Variants in USP11 observed in about 807,000 individuals in gnomAD.
USP11 encodes the protein ubiquitin carboxyl-terminal hydrolase 11.
In USP11, 5 loss-of-function variants were observed where a neutral mutation model predicts 72.8. The ratio of observed to expected loss-of-function variants is 0.07; its 90% CI spans 0.04 to 0.14. The LOEUF is 0.14. Among genes scored for constraint, USP11 ranks in the 10% least tolerant of loss-of-function variants. USP11 has a pLI of 1.00. For synonymous variants in USP11, 368 were observed against 326.5 expected (o/e 1.13, Z -1.37); for missense variants, 480 against 794.7 (o/e 0.60, Z 4.76).
intron 4 of USP11, 131 bp from the exon 5 acceptor site, chrX:47,240,174 T>A: frequency 1.1e-6 from 1 of 940,128 alleles, no homozygotes; most frequent in Non-Finnish European, 1.5e-6. Context: ...GGCCAGTCAT[T>A]TGGAGACTGA....
intron 9 of USP11, 85 bp downstream of exon 9, chrX:47,241,784 C>CAA: frequency 3.8e-6 from 4 of 1,043,034 alleles, no homozygotes; most frequent in Non-Finnish European, 5.1e-6. Flanking sequence ...GGGTATCTAA[C>CAA]ACGCCACCAT....
At chrX:47,235,869 A>G (rs1056523616) in intron 1 of USP11, among the ~76,000 whole-genome samples, 1 of 111,488 alleles carries the variant, frequency 9.0e-6, no homozygotes, top group African/African-American at 3.3e-5. Context: ...AGAATAAACA[A>G]AATAACCACA....
chrX:47,244,532 G>A lies in USP11; in HGVS notation c.1825G>A (p.Asp609Asn). Reference protein sequence around the residue: ...YVTKPNSDDEDDGDEKEDDEE... With the variant: ...YVTKPNSDDENDGDEKEDDEE... Reference sequence around the variant, plus strand: ...GACCAAACCCAACTCAGATGATGAGGACGATGGGGATGAGAAAGGTGAGGG... The same window carrying A: ...GACCAAACCCAACTCAGATGATGAGAACGATGGGGATGAGAAAGGTGAGGG... The change falls in exon 14 of 21, where the codon GAC becomes AAC. Residue 609 changes from aspartate to asparagine, a missense_variant. Asp to Asn is a conservative substitution (Grantham distance 23, BLOSUM62 1). Transcript: ENST00000377107. 1 of 1,211,216 alleles carries A rather than the reference G, an allele frequency of 8.3e-7. No individual in the cohort carries two copies. The highest frequency in any genetic ancestry group is 1.1e-6 in the Non-Finnish European group (1 of 895,383).
At chrX:47,245,734 A>G (rs2055429304) in intron 17 of USP11, among the ~76,000 whole-genome samples, 1 of 110,436 alleles carries the variant, frequency 9.1e-6, no homozygotes, top group Non-Finnish European at 1.9e-5. Flanking sequence ...TAGTAGAAAC[A>G]GGTTTTGCCA....
At position 47,242,699 on chromosome X, in the gene USP11, T is replaced by C; in HGVS notation, c.1562T>C (p.Leu521Ser). The C allele has an allele frequency of 8.3e-7, 1 of 1,207,999 alleles. No individual in the cohort carries two copies. The highest frequency in any genetic ancestry group is 1.1e-6 in the Non-Finnish European group (1 of 891,977). Residue 521 changes from leucine to serine, a missense_variant, in exon 12 of 21, where the codon TTG becomes TCG. By Grantham distance (145) the Leu-to-Ser change is moderately radical. Around this residue, in one of 5 missense-constraint regions of USP11, gnomAD observed 314 missense variants for 556.0 expected, o/e 0.56. Coordinates refer to ENST00000377107, the MANE Select transcript of USP11 (RefSeq NM_001371072.1). ...CTAGAGGAGCCTCTGAGCAGCATCTTGGACCGTGATGATATCTTCGTGTGA... is the reference window on the plus strand; with the variant it reads ...CTAGAGGAGCCTCTGAGCAGCATCTCGGACCGTGATGATATCTTCGTGTGA... Reference protein sequence around the residue: ...YQLEEPLSSILDRDDIFVYEV... With the variant: ...YQLEEPLSSISDRDDIFVYEV...
In USP11 at chrX:47,243,620, C is replaced by T. The variant is rs748822697; in HGVS notation, c.1790+18C>T. On this transcript the variant is annotated intron_variant, in intron 13 of 20. Transcript: ENST00000377107. ...CGGCTCTCGTAAGTGTCCTCTTCCC[C>T]GGGGGTGGGGGGCGGAGGGGTCTGA... 1.6e-4 allele frequency: 197 copies of T among 1,204,194 alleles called. No individual in the cohort carries two copies. Among genetic ancestry groups the T allele is most frequent in the Middle Eastern group, 4.6e-4 (2 of 4,359 alleles).
intron 1 of USP11, 144 bp downstream of exon 1, chrX:47,233,363 G>A (rs1236255576): frequency 9.3e-7 from 1 of 1,072,074 alleles, no homozygotes; most frequent in Non-Finnish European, 1.2e-6. Flanking sequence ...CGGGCTAAAG[G>A]GGCGGGGAAG....
At chrX:47,235,452 C>T (rs2055367538) in intron 1 of USP11, among the ~76,000 whole-genome samples, 1 of 111,368 alleles carries the variant, frequency 9.0e-6, no homozygotes, top group African/African-American at 3.3e-5. Context: ...ATTTTTAAAA[C>T]ATGTATCATG....
Position 47,233,043 on chromosome X carries a change from G to C in USP11, c.-1G>C, listed in dbSNP as rs761237717. 2.6e-5 allele frequency: 31 copies of C among 1,209,586 alleles called. No homozygotes were observed. The highest frequency in any genetic ancestry group is 8.9e-5 in the East Asian group (3 of 33,789). ...TTGGCTGTAGAAGAGAACGGACGGC[G>C]ATGGCGACGGTCGCAGCAAATCCAG... On this transcript the variant is annotated 5_prime_UTR_variant, in exon 1 of 21. Coordinates refer to ENST00000377107, the MANE Select transcript of USP11 (RefSeq NM_001371072.1).
At chrX:47,246,935 C>T (rs113646989) in intron 17 of USP11, 137 bp from the exon 18 acceptor site, 137 of 793,623 alleles carry the variant, frequency 1.7e-4, no homozygotes, top group Admixed American at 1.3e-3. Context: ...GCAGGAGAAT[C>T]GCTTGAACCC....
At chrX:47,247,565 T>G in intron 19 of USP11, 46 bp from the exon 20 acceptor site, 1 of 1,196,486 alleles carries the variant, frequency 8.4e-7, no homozygotes, top group Non-Finnish European at 1.1e-6. Flanking sequence ...TGGACACTTC[T>G]GAGAGGCAGG....
At chrX:47,236,943 TAAC>T (rs2055374973) in intron 1 of USP11, among the ~76,000 whole-genome samples, 1 of 111,907 alleles carries the variant, frequency 8.9e-6, no homozygotes, top group South Asian at 3.7e-4. Flanking sequence ...TCAGAGATGT[TAAC>T]AATGATTTTT....
Position 47,245,535 on chromosome X carries a change from T to G in USP11, c.2270+53T>G, listed in dbSNP as rs1193953104. The G allele has an allele frequency of 1.6e-5, 12 of 763,568 alleles. No homozygotes were observed. The Admixed American group carries it at 4.1e-4, about 26-fold the overall frequency. The allele number at this position is 763,568 out of a possible 1,213,427, so 62.9% of individuals were successfully genotyped here. A position where few individuals can be genotyped will look rare whatever the true frequency, so the allele number is the denominator to read the frequency against. On this transcript the variant is annotated intron_variant, in intron 17 of 20. Transcript: ENST00000377107. Reference sequence around the variant, plus strand: ...TGGGGGTTTCATTGGATGGAACTACTATATTTAGCTTTTTTTTTTTTTTTT... The same window carrying G: ...TGGGGGTTTCATTGGATGGAACTACGATATTTAGCTTTTTTTTTTTTTTTT...
Position 47,247,693 on chromosome X carries a change from G to A in USP11, c.2619G>A (p.Gln873=). ...GCGTCTCCCCTGTCAATGAGAATCA[G>A]ATCGAGGTGTGACTTCCATCCTACC... The part of the protein sequence containing the change: ...DNSVSPVNEN[Q]IESKAAYVLF... The change falls in exon 20 of 21, where the codon CAG becomes CAA. Residue 873 remains glutamine (Q), a synonymous_variant. Coordinates refer to ENST00000377107, the MANE Select transcript of USP11 (RefSeq NM_001371072.1). 1 of 1,211,179 alleles carries A rather than the reference G, an allele frequency of 8.3e-7. No homozygotes were observed. Among genetic ancestry groups the A allele is most frequent in the Non-Finnish European group, 1.1e-6 (1 of 895,296 alleles).
intron 1 of USP11, among the ~76,000 whole-genome samples, chrX:47,237,621 A>AT (rs2147349562): frequency 9.0e-6 from 1 of 110,805 alleles, no homozygotes; most frequent in Admixed American, 9.6e-5. Flanking sequence ...TCAAAAAATG[A>AT]TAATAATAAT....
chrX:47,245,332 A>C (rs1414150329), intron 16 of USP11, 38 bp from the exon 17 acceptor site: 1 of 1,148,665 alleles, frequency 8.7e-7, no homozygotes, highest in African/African-American at 1.8e-5. Context: ...ATCTGTCCTC[A>C]CAGCCGGCCA....
rs763967234 is a variant in USP11, at chrX:47,247,604, C to G, written c.2537-7C>G. The G allele has an allele frequency of 1.2e-5, 15 of 1,208,554 alleles. No individual in the cohort carries two copies. The highest frequency in any genetic ancestry group is 8.8e-5 in the Admixed American group (4 of 45,619). On this transcript the variant is annotated splice_region_variant and splice_polypyrimidine_tract_variant and intron_variant, in intron 19 of 20. Coordinates refer to ENST00000377107, the MANE Select transcript of USP11 (RefSeq NM_001371072.1). ...GGTAGGCGAGGATAACTCTCCTTCCCTTTCAGACACAACATTTGCCTGCAA... is the reference window on the plus strand; with the variant it reads ...GGTAGGCGAGGATAACTCTCCTTCCGTTTCAGACACAACATTTGCCTGCAA...
intron 1 of USP11, among the ~76,000 whole-genome samples, chrX:47,236,230 G>C (rs768999469): frequency 1.8e-5 from 2 of 112,349 alleles, no homozygotes; most frequent in East Asian, 5.5e-4. Flanking sequence ...GCTGTCATGG[G>C]TATTATCATG....
At position 47,242,280 on chromosome X, in the gene USP11, A is replaced by G; in HGVS notation, c.1378A>G (p.Met460Val). Residue 460 changes from methionine to valine, a missense_variant, in exon 10 of 21, where the codon ATG becomes GTG. Around this residue, in one of 5 missense-constraint regions of USP11, gnomAD observed 314 missense variants for 556.0 expected, o/e 0.56. Transcript: ENST00000377107. ...GGTCTTGGAGGTCTTCTTTATCCCC[A>G]TGGATCCGCGCCGCAAGCCAGAGCA... Reference protein sequence around the residue: ...KRVLEVFFIPMDPRRKPEQHR... With the variant: ...KRVLEVFFIPVDPRRKPEQHR... The G allele has an allele frequency of 1.7e-6, 2 of 1,211,489 alleles. No homozygotes were observed. Among genetic ancestry groups the G allele is most frequent in the Non-Finnish European group, 2.2e-6 (2 of 895,371 alleles).
Sources: allele counts gnomAD v4.1 joint callset (sites outside exome capture counted in the v4.1 genomes callset), GRCh38; gene constraint gnomAD v4.1.1; regional missense constraint gnomAD v4.1.1; transcripts MANE v1.5; gene names NCBI Gene and HGNC (gene_info 2026-07-23, HGNC 2026-07-21).